HOXB6: variants seen among roughly 807,000 people sequenced by gnomAD.
The protein encoded by HOXB6 is homeobox protein Hox-B6.
In HOXB6, 18 loss-of-function variants were observed where a neutral mutation model predicts 24.2. The ratio of observed to expected loss-of-function variants is 0.74; its 90% CI spans 0.51 to 1.10. The LOEUF is 1.10. Ranked by LOEUF, HOXB6 falls within the 50% of genes least tolerant of loss-of-function variation. The pLI, the probability that HOXB6 is intolerant of heterozygous loss-of-function variation, is 0.00. For missense variants in HOXB6, 332 were observed against 308.3 expected, an observed-to-expected ratio of 1.08 and a Z score of -0.58; for synonymous variants, 159 against 139.1, an observed-to-expected ratio of 1.14 and a Z score of -1.01.
Position 48,597,827 on chromosome 17 carries a change from G to C in HOXB6, c.324C>G (p.Cys108Trp). 1 of 1,604,680 alleles carries C rather than the reference G, an allele frequency of 6.2e-7. No individual in the cohort carries two copies. Among genetic ancestry groups the C allele is most frequent in the Non-Finnish European group, 8.5e-7 (1 of 1,175,024 alleles). ...PFHPEPRKSD[C>W]AQDKSVFGET... Reference sequence around the variant, plus strand: ...CGCCGAACACGCTCTTGTCCTGCGCGCAGTCCGACTTCCGCGGCTCGGGGT... The same window carrying C: ...CGCCGAACACGCTCTTGTCCTGCGCCCAGTCCGACTTCCGCGGCTCGGGGT... Residue 108 changes from cysteine (C) to tryptophan (W), a missense_variant, in exon 3 of 4, where the codon TGC (cysteine) becomes TGG (tryptophan). Physicochemically the swap from Cys to Trp is radical, Grantham distance 215. Coordinates refer to ENST00000225648, the MANE Select transcript of HOXB6 (RefSeq NM_018952.5).
In HOXB6 at chr17:48,596,530, C is replaced by G. The variant is rs369847566; in HGVS notation, c.558G>C (p.Thr186=). The G allele has an allele frequency of 3.7e-6, 6 of 1,614,274 alleles. No homozygotes were observed. In the Admixed American group the frequency reaches 8.3e-5, roughly 22 times the overall value. Residue 186 remains threonine (T), a synonymous_variant, in exon 4 of 4, where the codon ACG becomes ACC. Transcript: ENST00000225648. This position sits in a 1 kb window ranked among gnomAD's most constrained non-coding sequence, Gnocchi z 4.8. ...GGAACCATATCTTGATCTGCCTCTC[C>G]GTCAGGCACAGGGCGTGCGCGATCT... ...RIEIAHALCL[T]ERQIKIWFQN... is the part of the protein sequence containing the mutation.
At chr17:48,597,159 G>GTTTC in intron 3 of HOXB6, 1 of 887,942 alleles carries the variant, frequency 1.1e-6, no homozygotes, top group Non-Finnish European at 1.4e-6. Context: ...CCCCGCGCCT[G>GTTTC]TTTCTCCCTC....
Position 48,596,766 on chromosome 17 carries a change from C to T in HOXB6, c.416-94G>A. ...CTCGAACACAGACTCCAGCCAGTAC[C>T]GGGATGCCCTCTATTCTGCCGGCTC... On this transcript the variant is annotated intron_variant, in intron 3 of 3. Coordinates refer to ENST00000225648, the MANE Select transcript of HOXB6 (RefSeq NM_018952.5). The surrounding 1 kb of genome is among the most constrained non-coding windows in gnomAD (Gnocchi z 4.8). The T allele has an allele frequency of 1.9e-6, 3 of 1,559,794 alleles. No homozygotes were observed. Among genetic ancestry groups the T allele is most frequent in the Non-Finnish European group, 2.6e-6 (3 of 1,149,740 alleles).
At position 48,596,013 on chromosome 17, in the gene HOXB6, G is replaced by GC; in HGVS notation, c.*399dup. The stretch of plus-strand genomic sequence containing the variant: ...GGTCTGGGATCAGGGAGTCTTCAAG[G>GC]CCCCCGCTGAGGGGACAGCGAATCT... On this transcript the variant is annotated 3_prime_UTR_variant, in exon 4 of 4. Transcript: ENST00000225648. The surrounding 1 kb of genome is among the most constrained non-coding windows in gnomAD (Gnocchi z 4.8). 1 of 465,174 alleles carries GC rather than the reference G, an allele frequency of 2.1e-6. No individual in the cohort carries two copies. Among genetic ancestry groups the GC allele is most frequent in the East Asian group, 6.7e-5 (1 of 14,830 alleles). The allele number at this position is 465,174 out of a possible 1,614,324, so 28.8% of individuals were successfully genotyped here.
chr17:48,602,049 C>T, intron 2 of HOXB6: 1 of 453,826 alleles, frequency 2.2e-6, no homozygotes, highest in African/African-American at 2.0e-5. Flanking sequence ...AGTCCCACTA[C>T]CAAATTTTTC....
intron 2 of HOXB6, chr17:48,602,084 G>T (rs1012438060): frequency 8.8e-6 from 4 of 455,860 alleles, no homozygotes; most frequent in Middle Eastern, 3.2e-4. Context: ...GGTAGACTTC[G>T]CTTGAAAAGA....
Position 48,597,968 on chromosome 17 carries a change from C to A in HOXB6, c.183G>T (p.Pro61=). The change falls in exon 3 of 4, where the codon CCG becomes CCT. Residue 61 remains proline, a synonymous_variant. Transcript: ENST00000225648. ...KGFATSSYYP[P]AGGGYGRAAP... ...CCGCTCGGCCGTAGCCACCGCCCGC[C>A]GGCGGGTAATAGGAGGAAGTGGCAA... The A allele has an allele frequency of 6.3e-7, 1 of 1,581,896 alleles. No individual in the cohort carries two copies. The highest frequency in any genetic ancestry group is 8.6e-7 in the Non-Finnish European group (1 of 1,164,146).
At chr17:48,600,687 C>T (rs755329822) in intron 2 of HOXB6, 17 of 371,832 alleles carry the variant, frequency 4.6e-5, no homozygotes, top group Non-Finnish European at 7.5e-5. Context: ...CTGTCTGTCT[C>T]CTTGGGGGAA....
At chr17:48,602,842 A>T (rs1480210383) in intron 2 of HOXB6, among the ~76,000 whole-genome samples, 1 of 152,160 alleles carries the variant, frequency 6.6e-6, no homozygotes, top group Non-Finnish European at 1.5e-5. Flanking sequence ...GGAGAAAAAG[A>T]CCTTTAGTAT....
chr17:48,600,991 C>CCT (rs143143868), intron 2 of HOXB6, among the ~76,000 whole-genome samples: 1 of 145,660 alleles, frequency 6.9e-6, no homozygotes, highest in Non-Finnish European at 1.5e-5. Context: ...GGGATATTTG[C>CCT]GTGTGTGTGT....
chr17:48,600,039 G>A (rs2070420572), intron 2 of HOXB6, among the ~76,000 whole-genome samples: 1 of 152,158 alleles, frequency 6.6e-6, no homozygotes, highest in Admixed American at 6.5e-5. Context: ...TCCCTAGATG[G>A]CCTCCAATTA....
chr17:48,596,282 C>T lies in HOXB6; in HGVS notation c.*131G>A, dbSNP rs1368184222. 8.4e-6 allele frequency: 12 copies of T among 1,429,628 alleles called. No homozygotes were observed. Among genetic ancestry groups the T allele is most frequent in the Non-Finnish European group, 1.1e-5 (11 of 1,021,046 alleles). The allele number at this position is 1,429,628 out of a possible 1,614,324, so 88.6% of individuals were successfully genotyped here. A position where few individuals can be genotyped will look rare whatever the true frequency, so the allele number is the denominator to read the frequency against. ...CGGGGGCGTCCAGGAGAGCGCTGGG[C>T]CCCGCCTGTCTGCGCCGGAGAGCAG... On this transcript the variant is annotated 3_prime_UTR_variant, in exon 4 of 4. Coordinates refer to ENST00000225648, the MANE Select transcript of HOXB6 (RefSeq NM_018952.5). This position sits in a 1 kb window ranked among gnomAD's most constrained non-coding sequence, Gnocchi z 4.8.
Position 48,597,906 on chromosome 17 carries a change from C to A in HOXB6, c.245G>T (p.Arg82Leu), listed in dbSNP as rs748061258. Residue 82 changes from arginine (R) to leucine (L), a missense_variant, in exon 3 of 4, where the codon CGC (arginine) becomes CTC (leucine). By Grantham distance (102) the Arg-to-Leu change is moderately radical. Transcript: ENST00000225648. ...GAGTGCGCAGGCCGACTCTTTCTCGCGGTAGAAGGCCGGCGCCGGCCCGTA... is the reference window on the plus strand; with the variant it reads ...GAGTGCGCAGGCCGACTCTTTCTCGAGGTAGAAGGCCGGCGCCGGCCCGTA... The part of the protein sequence containing the change: ...CDYGPAPAFY[R>L]EKESACALSG... 1.8e-5 allele frequency: 28 copies of A among 1,580,870 alleles called. No homozygotes were observed. Among genetic ancestry groups the A allele is most frequent in the Non-Finnish European group, 1.7e-6 (2 of 1,163,150 alleles).
intron 2 of HOXB6, chr17:48,600,353 T>A: frequency 4.7e-6 from 2 of 424,188 alleles, no homozygotes. Flanking sequence ...AAATAAGATC[T>A]GGTGAGGAAG....
rs1236106954 is a variant in HOXB6, at chr17:48,596,823, C to T, written c.416-151G>A. 1 of 1,328,376 alleles carries T rather than the reference C, an allele frequency of 7.5e-7. No individual in the cohort carries two copies. The highest frequency in any genetic ancestry group is 1.0e-6 in the Non-Finnish European group (1 of 964,452). 82.3% of individuals were successfully genotyped at this position (1,328,376 alleles called of 1,614,324 possible). A position where few individuals can be genotyped will look rare whatever the true frequency, so the allele number is the denominator to read the frequency against. ...CCCGTTTCGCACTCCTCCAGCGCCCCCTCCAGATTCCCTCCTAGTCTCCTA... is the reference window on the plus strand; with the variant it reads ...CCCGTTTCGCACTCCTCCAGCGCCCTCTCCAGATTCCCTCCTAGTCTCCTA... On this transcript the variant is annotated intron_variant, in intron 3 of 3. Coordinates refer to ENST00000225648, the MANE Select transcript of HOXB6 (RefSeq NM_018952.5). This position sits in a 1 kb window ranked among gnomAD's most constrained non-coding sequence, Gnocchi z 4.8.
chr17:48,602,850 T>G (rs945832726), intron 2 of HOXB6, among the ~76,000 whole-genome samples: 1 of 152,098 alleles, frequency 6.6e-6, no homozygotes, highest in Non-Finnish European at 1.5e-5. Context: ...AGACCTTTAG[T>G]ATGGGTGGGT....
chr17:48,601,015 T>TGTGTGTGTGTGTGTG (rs760882047), intron 2 of HOXB6, among the ~76,000 whole-genome samples: 1 of 149,066 alleles, frequency 6.7e-6, no homozygotes, highest in Non-Finnish European at 1.5e-5. Context: ...TGTGTGTGTG[T>TGTGTGTGTGTGTGTG]GTGTGGTGTG....
chr17:48,600,810 T>A (rs1597878812), intron 2 of HOXB6, among the ~76,000 whole-genome samples: 1 of 152,308 alleles, frequency 6.6e-6, no homozygotes. Context: ...AATTCTTGAG[T>A]ACATAACAGA....
Position 48,596,536 on chromosome 17 carries a change from G to A in HOXB6, c.552C>T (p.Cys184=). 6.2e-7 allele frequency: 1 copy of A among 1,614,234 alleles called. No individual in the cohort carries two copies. The highest frequency in any genetic ancestry group is 1.3e-5 in the African/African-American group (1 of 75,054). Residue 184 remains cysteine (C), a synonymous_variant, in exon 4 of 4, where the codon TGC becomes TGT. Transcript: ENST00000225648. This position sits in a 1 kb window ranked among gnomAD's most constrained non-coding sequence, Gnocchi z 4.8. ...ATATCTTGATCTGCCTCTCCGTCAGGCACAGGGCGTGCGCGATCTCGATGC... is the reference window on the plus strand; with the variant it reads ...ATATCTTGATCTGCCTCTCCGTCAGACACAGGGCGTGCGCGATCTCGATGC... ...RRRIEIAHAL[C]LTERQIKIWF...
Sources: allele counts gnomAD v4.1 joint callset (sites outside exome capture counted in the v4.1 genomes callset), GRCh38; gene constraint gnomAD v4.1.1; non-coding constraint Gnocchi (gnomAD v3.1); transcripts MANE v1.5; gene names NCBI Gene and HGNC (gene_info 2026-07-23, HGNC 2026-07-21).